The following NCAM2 variants were observed in gnomAD, a reference collection of about 807,000 sequenced individuals.
NCAM2 encodes the protein neural cell adhesion molecule 2.
In NCAM2, 30 loss-of-function variants were observed where a neutral mutation model predicts 98.1. The observed-to-expected ratio is 0.31, with a 90% CI of 0.23 to 0.41. The LOEUF (loss-of-function observed/expected upper bound fraction) is 0.41, where lower values mean the gene tolerates loss of function less well. NCAM2 is among the 10% of genes least tolerant of loss of function. The probability of loss-of-function intolerance (pLI) is 1.00; values close to 1 mark genes in which losing one functional copy is unlikely to be tolerated. For synonymous variants in NCAM2, 368 were observed against 342.4 expected (o/e 1.07, Z -0.83); for missense variants, 867 against 1,005.8 (o/e 0.86, Z 1.87).
At chr21:21,239,863 T>C (rs940856366) in intron 1 of NCAM2, among the ~76,000 whole-genome samples, 1 of 152,154 alleles carries the variant, frequency 6.6e-6, no homozygotes, top group Non-Finnish European at 1.5e-5. Context: ...ATCTTGTGTC[T>C]ATATTTATAT....
intron 1 of NCAM2, among the ~76,000 whole-genome samples, chr21:21,239,182 A>G (rs866644289): frequency 3.9e-5 from 6 of 152,208 alleles, no homozygotes; most frequent in South Asian, 2.1e-4. Context: ...GGCAAGCCCA[A>G]TGCTAAAAGG....
chr21:21,519,808 G>A (rs1988916339), intron 16 of NCAM2, among the ~76,000 whole-genome samples: 1 of 151,992 alleles, frequency 6.6e-6, no homozygotes, highest in African/African-American at 2.4e-5. Flanking sequence ...TTGACTGTTC[G>A]GATTTATACT....
intron 8 of NCAM2, among the ~76,000 whole-genome samples, chr21:21,343,531 C>A (rs2075106156): frequency 6.6e-6 from 1 of 152,164 alleles, no homozygotes; most frequent in South Asian, 2.1e-4. Context: ...CCACCCTCAG[C>A]AGCCTTGACA....
At chr21:21,261,178 C>T (rs543492501) in intron 1 of NCAM2, among the ~76,000 whole-genome samples, 2 of 152,228 alleles carry the variant, frequency 1.3e-5, no homozygotes, top group South Asian at 4.1e-4. Context: ...GTACACACAA[C>T]ATCAGCACAG....
chr21:21,447,801 C>T (rs1437205090), intron 12 of NCAM2, among the ~76,000 whole-genome samples: 1 of 152,128 alleles, frequency 6.6e-6, no homozygotes, highest in African/African-American at 2.4e-5. Flanking sequence ...AAAAGCTTAA[C>T]ATCACTGATC....
At chr21:21,135,291 C>T (rs2067025651) in intron 1 of NCAM2, among the ~76,000 whole-genome samples, 1 of 151,558 alleles carries the variant, frequency 6.6e-6, no homozygotes, top group South Asian at 2.1e-4. Context: ...GTCCTCCACT[C>T]TGGCCTCCCA....
chr21:21,206,687 A>G (rs1400338065), intron 1 of NCAM2, among the ~76,000 whole-genome samples: 2 of 152,074 alleles, frequency 1.3e-5, no homozygotes, highest in African/African-American at 4.8e-5. Flanking sequence ...AACTTTTTCA[A>G]TTTTGTCACA....
chr21:21,507,066 T>C (rs2146349326), intron 15 of NCAM2, among the ~76,000 whole-genome samples: 1 of 152,072 alleles, frequency 6.6e-6, no homozygotes, highest in South Asian at 2.1e-4. Context: ...AGCTGTTTGC[T>C]TTTAGAATTA....
At chr21:21,307,258 CTTG>C (rs1230393524) in intron 5 of NCAM2, among the ~76,000 whole-genome samples, 2 of 151,918 alleles carry the variant, frequency 1.3e-5, no homozygotes, top group African/African-American at 4.8e-5. Flanking sequence ...CCTATTTTGT[CTTG>C]TTAACTATAA....
At chr21:21,519,939 A>T (rs1392788512) in intron 16 of NCAM2, among the ~76,000 whole-genome samples, 1 of 152,120 alleles carries the variant, frequency 6.6e-6, no homozygotes, top group Non-Finnish European at 1.5e-5. Flanking sequence ...TTTTAAGAGC[A>T]TCTCAAGGCA....
chr21:21,055,827 G>A (rs1319352355), intron 1 of NCAM2, among the ~76,000 whole-genome samples: 1 of 152,002 alleles, frequency 6.6e-6, no homozygotes, highest in Non-Finnish European at 1.5e-5. Flanking sequence ...TCGTAGATTT[G>A]ATGTGTGAAG....
intron 1 of NCAM2, among the ~76,000 whole-genome samples, chr21:21,254,826 G>A (rs190642629): frequency 3.3e-5 from 5 of 152,040 alleles, no homozygotes; most frequent in African/African-American, 4.8e-5. Context: ...GTTGTTTATG[G>A]CACAACAGAT....
chr21:21,345,475 C>A (rs923207612), intron 8 of NCAM2, among the ~76,000 whole-genome samples: 1 of 151,908 alleles, frequency 6.6e-6, no homozygotes, highest in Non-Finnish European at 1.5e-5. Context: ...CTGAAAAATG[C>A]AGCAGGCATA....
intron 15 of NCAM2, among the ~76,000 whole-genome samples, chr21:21,486,714 G>A (rs1986419790): frequency 6.6e-6 from 1 of 152,100 alleles, no homozygotes; most frequent in South Asian, 2.1e-4. Flanking sequence ...GTAAGTTAGT[G>A]CAAAGTTTAT....
chr21:21,087,024 C>T (rs1601328033), intron 1 of NCAM2, among the ~76,000 whole-genome samples: 1 of 150,222 alleles, frequency 6.7e-6, no homozygotes, highest in African/African-American at 2.5e-5. Context: ...CCTGTCTTCC[C>T]AGAAAGGTGA....
intron 6 of NCAM2, among the ~76,000 whole-genome samples, chr21:21,334,125 G>A (rs2074790359): frequency 6.6e-6 from 1 of 151,974 alleles, no homozygotes; most frequent in Non-Finnish European, 1.5e-5. Flanking sequence ...TAGAGATGGA[G>A]TTTCACTATG....
At chr21:21,176,225 T>G (rs2068285549) in intron 1 of NCAM2, among the ~76,000 whole-genome samples, 1 of 152,184 alleles carries the variant, frequency 6.6e-6, no homozygotes, top group Non-Finnish European at 1.5e-5. Flanking sequence ...ATCACTTGAC[T>G]GGAACTCTTA....
rs753346201 is a variant in NCAM2 at position 21,286,313 on chromosome 21, C to A, written c.382C>A (p.Gln128Lys). 1.2e-6 allele frequency: 2 copies of A among 1,611,658 alleles called. No individual in the cohort carries two copies. Among genetic ancestry groups the A allele is most frequent in the Non-Finnish European group, 1.7e-6 (2 of 1,178,830 alleles). The change falls in exon 4 of 18, where the codon CAA becomes AAA. Residue 128 changes from glutamine (Q) to lysine (K), a missense_variant. Gln to Lys is a moderately conservative substitution (Grantham distance 53, BLOSUM62 1). Transcript: ENST00000400546. ...REVVSPQEFK[Q>K]GEDAEVVCRV... The stretch of plus-strand genomic sequence containing the variant: ...AGTGGTATCTCCACAAGAATTCAAA[C>A]AAGGAGAAGATGCAGAAGTGGTTTG...
At chr21:21,475,836 C>G (rs1220899472) in intron 14 of NCAM2, among the ~76,000 whole-genome samples, 1 of 152,034 alleles carries the variant, frequency 6.6e-6, no homozygotes, top group Non-Finnish European at 1.5e-5. Flanking sequence ...TTTTCTGTTC[C>G]TTTGTAATGG....
Sources: gnomAD v4.1 joint callset for allele counts (sites outside exome capture counted in the v4.1 genomes callset) on GRCh38, gnomAD v4.1.1 for gene constraint, MANE v1.5 for transcripts, NCBI Gene and HGNC (gene_info 2026-07-23, HGNC 2026-07-21) for gene names.